FYTTD1: variants seen among roughly 807,000 people sequenced by gnomAD.
FYTTD1 encodes forty-two-three domain containing 1.
In FYTTD1, 22 loss-of-function variants were observed where a neutral mutation model predicts 40.9. That is an observed-to-expected ratio of 0.54 (90% CI 0.38 to 0.77). The LOEUF (loss-of-function observed/expected upper bound fraction) is 0.77. Among genes scored for constraint, FYTTD1 ranks in the 30% least tolerant of loss-of-function variants. The pLI is 0.00. For synonymous variants in FYTTD1, 140 were observed against 137.9 expected (o/e 1.01, Z -0.10); for missense variants, 351 against 392.2 (o/e 0.90, Z 0.89).
At chr3:197,774,600 G>T (rs1364119685) in intron 6 of FYTTD1, among the ~76,000 whole-genome samples, 2 of 151,916 alleles carry the variant, frequency 1.3e-5, no homozygotes, top group Non-Finnish European at 2.9e-5. Context: ...GATGACCAGT[G>T]CACACCAGCC....
At chr3:197,764,618 A>G (rs187748721) in intron 2 of FYTTD1, among the ~76,000 whole-genome samples, 3,422 of 150,664 alleles carry the variant, frequency 0.023, 77 homozygotes, top group East Asian at 0.049. Flanking sequence ...CTGAGGCAGG[A>G]GAATGGTGTG....
intron 7 of FYTTD1, among the ~76,000 whole-genome samples, chr3:197,777,257 C>G (rs1340676899): frequency 6.6e-6 from 1 of 152,168 alleles, no homozygotes. Flanking sequence ...CATGTATACT[C>G]TGTGTACCCT....
intron 2 of FYTTD1, 113 bp downstream of exon 2, chr3:197,756,670 GT>G (rs1729224851): frequency 9.9e-7 from 1 of 1,010,042 alleles, no homozygotes; most frequent in African/African-American, 1.6e-5. Context: ...TGTGTTTTGT[GT>G]TTCCTCTATG....
chr3:197,768,197 A>G (rs1269367149), intron 2 of FYTTD1, among the ~76,000 whole-genome samples: 1 of 152,200 alleles, frequency 6.6e-6, no homozygotes, highest in Non-Finnish European at 1.5e-5. Flanking sequence ...ATGACAAAAG[A>G]GTATGGCCAG....
At chr3:197,777,897 G>A (rs1272423233) in intron 7 of FYTTD1, among the ~76,000 whole-genome samples, 1 of 151,846 alleles carries the variant, frequency 6.6e-6, no homozygotes, top group African/African-American at 2.4e-5. Context: ...TTTTTGTACA[G>A]ATGGGGGTCT....
At chr3:197,763,414 C>CA (rs749568528) in intron 2 of FYTTD1, 27,184 of 238,034 alleles carry the variant, frequency 0.11, 1,696 homozygotes, top group African/African-American at 0.35. Context: ...ACTCTTGTCT[C>CA]AAAAAAAAAA....
rs774095472 is a variant in FYTTD1, at chr3:197,781,886, A to G, written c.934A>G (p.Ser312Gly). The change falls in exon 9 of 9, where the codon AGC (serine) becomes GGC (glycine). Residue 312 changes from serine (S) to glycine (G), a missense_variant. Physicochemically the swap from Ser to Gly is moderately conservative, Grantham distance 56. Transcript: ENST00000241502. ...RATLTYNKGG[S>G]RFVTVG ...CACTCTCACATACAACAAAGGGGGAAGCCGCTTTGTCACCGTGGGATAGGT... is the reference window on the plus strand; with the variant it reads ...CACTCTCACATACAACAAAGGGGGAGGCCGCTTTGTCACCGTGGGATAGGT... 1.8e-5 allele frequency: 29 copies of G among 1,607,354 alleles called. No individual in the cohort carries two copies. The African/African-American group carries it at 3.5e-4, about 19-fold the overall frequency.
intron 8 of FYTTD1, among the ~76,000 whole-genome samples, chr3:197,780,192 G>A (rs1729992506): frequency 6.6e-6 from 1 of 151,958 alleles, no homozygotes; most frequent in Non-Finnish European, 1.5e-5. Flanking sequence ...CACCACACCT[G>A]GGGATACAGG....
chr3:197,753,959 C>A (rs1371171979), intron 1 of FYTTD1, among the ~76,000 whole-genome samples: 1 of 152,218 alleles, frequency 6.6e-6, no homozygotes, highest in African/African-American at 2.4e-5. Context: ...CCAGGATGGT[C>A]TCGATCTCCT....
chr3:197,776,205 A>ATTT lies in FYTTD1; in HGVS notation c.657-706_657-704dup, dbSNP rs546104827. Among the ~76,000 whole-genome samples, 395 of 139,436 alleles carry ATTT rather than the reference A, an allele frequency of 2.8e-3. 2 individuals carry two copies. The highest frequency in any genetic ancestry group is 7.1e-3 in the African/African-American group (272 of 38,150). 91.5% of individuals were successfully genotyped at this position (139,436 alleles called of 152,430 possible). A position where few individuals can be genotyped will look rare whatever the true frequency, so the allele number is the denominator to read the frequency against. On this transcript the variant is annotated intron_variant, in intron 6 of 8. Coordinates refer to ENST00000241502, the MANE Select transcript of FYTTD1 (RefSeq NM_032288.7). ...AACTAAATCTTTATTCATCATAGCAATTTTTTTTTTTTTTTTTTGAGATGG... is the reference window on the plus strand; with the variant it reads ...AACTAAATCTTTATTCATCATAGCAATTTTTTTTTTTTTTTTTTTTTGAGATGG...
In FYTTD1 at chr3:197,775,024, T is replaced by A. The variant is rs9848903; in HGVS notation, c.656+814T>A. On this transcript the variant is annotated intron_variant, in intron 6 of 8. Coordinates refer to ENST00000241502, the MANE Select transcript of FYTTD1 (RefSeq NM_032288.7). ...ACAGTTTTAGTGCCACGTAGATTAC[T>A]TCATTTTTATTATTTTTATTTTTTA... 9.8e-3 allele frequency among the ~76,000 whole-genome samples: 1,493 copies of A among 152,370 alleles called. 12 individuals carry two copies. The highest frequency in any genetic ancestry group is 0.034 in the African/African-American group (1,417 of 41,590).
At chr3:197,756,662 T>G in intron 2 of FYTTD1, 105 bp downstream of exon 2, 1 of 1,066,608 alleles carries the variant, frequency 9.4e-7, no homozygotes, top group Non-Finnish European at 1.4e-6. Flanking sequence ...GTACTCTTTG[T>G]GTTTTGTGTT....
rs187019443 is a variant in FYTTD1 at position 197,760,195 on chromosome 3, C to T, written c.235+3638C>T. 3.3e-3 allele frequency among the ~76,000 whole-genome samples: 422 copies of T among 128,058 alleles called. 1 individual carries two copies. The highest frequency in any genetic ancestry group is 4.0e-3 in the Admixed American group (50 of 12,658). 84.0% of individuals were successfully genotyped at this position (128,058 alleles called of 152,430 possible). ...GTTGTTCCTCAGTGGTAGAACATAT[C>T]GAGTTGTTCCTCAGTGGTAGAACGT... is the stretch of plus-strand genomic sequence containing the variant. On this transcript the variant is annotated intron_variant, in intron 2 of 8. Coordinates refer to ENST00000241502, the MANE Select transcript of FYTTD1 (RefSeq NM_032288.7).
intron 2 of FYTTD1, among the ~76,000 whole-genome samples, chr3:197,763,070 G>T (rs1056962655): frequency 6.6e-6 from 1 of 152,124 alleles, no homozygotes; most frequent in African/African-American, 2.4e-5. Context: ...TATGTGTAAT[G>T]AGTTTATTAT....
intron 1 of FYTTD1, among the ~76,000 whole-genome samples, chr3:197,753,452 C>T (rs1173283710): frequency 1.3e-5 from 2 of 152,124 alleles, no homozygotes; most frequent in Admixed American, 6.5e-5. Flanking sequence ...ACCACTGCTG[C>T]TACTGCTGCT....
rs1364440489 is a variant in FYTTD1, at chr3:197,783,171, C to T, written c.*1262C>T. ...TCTGTGCTAAGATAGTACTGAGTCC[C>T]CAGATGTTGTATACTGTAAATTACA... is the stretch of plus-strand genomic sequence containing the variant. On this transcript the variant is annotated 3_prime_UTR_variant, in exon 9 of 9. Coordinates refer to ENST00000241502, the MANE Select transcript of FYTTD1 (RefSeq NM_032288.7). 6.6e-6 allele frequency: 1 copy of T among 152,514 alleles called. No individual in the cohort carries two copies. Among genetic ancestry groups the T allele is most frequent in the Non-Finnish European group, 1.5e-5 (1 of 68,026 alleles). The allele number at this position is 152,514 out of a possible 1,614,324, so 9.4% of individuals were successfully genotyped here.
At chr3:197,766,430 G>GGTTGTGTGTGTGT (rs1553909118) in intron 2 of FYTTD1, among the ~76,000 whole-genome samples, 25 of 135,072 alleles carry the variant, frequency 1.9e-4, no homozygotes, top group Non-Finnish European at 3.0e-4. Context: ...GTTTGAGACT[G>GGTTGTGTGTGTGT]GTGTGTGTGT....
chr3:197,775,526 T>G (rs1301731230), intron 6 of FYTTD1, among the ~76,000 whole-genome samples: 2 of 151,984 alleles, frequency 1.3e-5, no homozygotes, highest in African/African-American at 4.8e-5. Context: ...CTGAAGAGAT[T>G]AAAATCCTCA....
At chr3:197,778,256 T>C (rs1381203152) in intron 7 of FYTTD1, 82 bp from the exon 8 acceptor site, 12 of 1,133,130 alleles carry the variant, frequency 1.1e-5, no homozygotes, top group Non-Finnish European at 1.5e-5. Flanking sequence ...TGAACATGTG[T>C]ACAAGATGTC....
Sources: gnomAD v4.1 joint callset for allele counts (sites outside exome capture counted in the v4.1 genomes callset) on GRCh38, gnomAD v4.1.1 for gene constraint, MANE v1.5 for transcripts, NCBI Gene and HGNC (gene_info 2026-07-23, HGNC 2026-07-21) for gene names.